Variants in NSD3 observed in about 807,000 individuals in gnomAD.
NSD3 encodes the protein nuclear receptor binding SET domain protein 3, also known as histone-lysine N-methyltransferase NSD3.
A neutral mutation model predicts 160.8 loss-of-function variants in NSD3; 24 were observed. The ratio of observed to expected loss-of-function variants is 0.15; its 90% CI spans 0.11 to 0.21. The LOEUF (loss-of-function observed/expected upper bound fraction) is 0.21, where lower values mean the gene tolerates loss of function less well. Among genes scored for constraint, NSD3 ranks in the 10% least tolerant of loss-of-function variants. NSD3 has a pLI of 1.00. For missense variants in NSD3, 1,157 were observed against 1,735.9 expected, an observed-to-expected ratio of 0.67 and a Z score of 5.93; for synonymous variants, 520 against 600.0, an observed-to-expected ratio of 0.87 and a Z score of 1.95.
intron 1 of NSD3, among the ~76,000 whole-genome samples, chr8:38,361,474 G>T (rs1810959988): frequency 1.3e-5 from 2 of 151,922 alleles, no homozygotes; most frequent in Admixed American, 6.5e-5. Context: ...GACAGAAAGG[G>T]GCCGGGCGCG....
intron 14 of NSD3, 131 bp downstream of exon 14, chr8:38,304,456 A>G: frequency 1.4e-6 from 1 of 707,094 alleles, no homozygotes. Context: ...GATATATTAC[A>G]GTGGAATTCT....
rs117216558 is a variant in NSD3 at position 38,270,295 on chromosome 8, T to C, written c.*5346A>G. 6.6e-6 allele frequency: 1 copy of C among 152,272 alleles called. No individual in the cohort carries two copies. The highest frequency in any genetic ancestry group is 1.5e-5 in the Non-Finnish European group (1 of 68,010). 9.4% of individuals were successfully genotyped at this position (152,272 alleles called of 1,614,324 possible). A position where few individuals can be genotyped will look rare whatever the true frequency, so the allele number is the denominator to read the frequency against. On this transcript the variant is annotated 3_prime_UTR_variant, in exon 24 of 24. Transcript: ENST00000317025. ...GTTTATTACAGATAAAGTACAGAAA[T>C]AACCAATCTACAAAGATCATTATCA...
At position 38,329,899 on chromosome 8, in the gene NSD3, A is replaced by AAAAAGAT. The variant is rs749057418; in HGVS notation, c.1066-13_1066-7dup. 1.3e-6 allele frequency: 2 copies of AAAAAGAT among 1,562,570 alleles called. No homozygotes were observed. Among genetic ancestry groups the AAAAAGAT allele is most frequent in the Admixed American group, 1.9e-5 (1 of 52,028 alleles). On this transcript the variant is annotated splice_region_variant and splice_polypyrimidine_tract_variant and intron_variant, in intron 5 of 23. Coordinates refer to ENST00000317025, the MANE Select transcript of NSD3 (RefSeq NM_023034.2). This position sits in a 1 kb window ranked among gnomAD's most constrained non-coding sequence, Gnocchi z 4.8. ...TGAGGTCGGGGTTTCCGAATCTTTA[A>AAAAAGAT]AAAAGATAGAGATTATCAGACATGC...
Position 38,275,750 on chromosome 8 carries a change from C to T in NSD3, c.4205G>A (p.Arg1402His), listed in dbSNP as rs770152981. ...GALVPSALEG[R>H]LCCSEHDPMA... ...GGGGTCATGTTCCGAGCAGCAGAGG[C>T]GGCCTTCCAGTGCAGAGGGAACCAG... The change falls in exon 24 of 24, where the codon CGC becomes CAC. Residue 1402 changes from arginine (R) to histidine (H), a missense_variant. Transcript: ENST00000317025. The T allele has an allele frequency of 7.4e-6, 12 of 1,614,068 alleles. No homozygotes were observed. The highest frequency in any genetic ancestry group is 2.2e-5 in the South Asian group (2 of 91,090).
In NSD3 at chr8:38,319,118, A is replaced by G; in HGVS notation, c.1810-178T>C. On this transcript the variant is annotated intron_variant, in intron 8 of 23. Coordinates refer to ENST00000317025, the MANE Select transcript of NSD3 (RefSeq NM_023034.2). The surrounding 1 kb of genome is among the most constrained non-coding windows in gnomAD (Gnocchi z 4.1). ...TGTCTCAAGATCAGGGAGGGTTTAA[A>G]TCCTAGCTGCCTGTGCTGAATATCA... 1 of 590,926 alleles carries G rather than the reference A, an allele frequency of 1.7e-6. No homozygotes were observed. The highest frequency in any genetic ancestry group is 3.1e-5 in the East Asian group (1 of 32,734). The allele number at this position is 590,926 out of a possible 1,614,324, so 36.6% of individuals were successfully genotyped here. A position where few individuals can be genotyped will look rare whatever the true frequency, so the allele number is the denominator to read the frequency against.
intron 1 of NSD3, among the ~76,000 whole-genome samples, chr8:38,376,538 C>T (rs186690547): frequency 2.0e-5 from 3 of 152,010 alleles, no homozygotes; most frequent in Non-Finnish European, 4.4e-5. Flanking sequence ...TGGGTTCAAG[C>T]GATTCTCCTG....
Position 38,279,567 on chromosome 8 carries a change from G to A in NSD3, c.3733C>T (p.Leu1245=). ...WTVNGDVRVG[L]FALCDIPAGM... ...GCAGGAATATCACAGAGAGCAAATA[G>A]TCCCACTCGAACATCTCCATTCACT... Residue 1245 remains leucine (L), a synonymous_variant, in exon 21 of 24, where the codon CTA becomes TTA. Coordinates refer to ENST00000317025, the MANE Select transcript of NSD3 (RefSeq NM_023034.2). 6.2e-7 allele frequency: 1 copy of A among 1,614,066 alleles called. No homozygotes were observed. Among genetic ancestry groups the A allele is most frequent in the South Asian group, 1.1e-5 (1 of 91,076 alleles).
At chr8:38,345,569 A>G (rs1412599209) in intron 2 of NSD3, among the ~76,000 whole-genome samples, 1 of 152,160 alleles carries the variant, frequency 6.6e-6, no homozygotes, top group African/African-American at 2.4e-5. Context: ...AATTTTGCTC[A>G]TCATGATTCA....
chr8:38,318,973 G>T lies in NSD3; in HGVS notation c.1810-33C>A, dbSNP rs1450889723. 1.9e-6 allele frequency: 3 copies of T among 1,580,936 alleles called. No homozygotes were observed. Among genetic ancestry groups the T allele is most frequent in the Non-Finnish European group, 2.6e-6 (3 of 1,165,080 alleles). ...GACAGAAAAATACAGCATTAACAAAGAATTTTTTTCCCTTTTAATTATTAA... is the reference window on the plus strand; with the variant it reads ...GACAGAAAAATACAGCATTAACAAATAATTTTTTTCCCTTTTAATTATTAA... On this transcript the variant is annotated intron_variant, in intron 8 of 23. Transcript: ENST00000317025. The surrounding 1 kb of genome is among the most constrained non-coding windows in gnomAD (Gnocchi z 5.3).
Position 38,271,108 on chromosome 8 carries a change from G to T in NSD3, c.*4533C>A, listed in dbSNP as rs1373168300. 2 of 152,060 alleles carry T rather than the reference G, an allele frequency of 1.3e-5. No individual in the cohort carries two copies. Among genetic ancestry groups the T allele is most frequent in the African/African-American group, 2.4e-5 (1 of 41,404 alleles). 9.4% of individuals were successfully genotyped at this position (152,060 alleles called of 1,614,324 possible). A position where few individuals can be genotyped will look rare whatever the true frequency, so the allele number is the denominator to read the frequency against. On this transcript the variant is annotated 3_prime_UTR_variant, in exon 24 of 24. Transcript: ENST00000317025. Reference sequence around the variant, plus strand: ...CATAAAAAGTATTTGTAAAAATGCTGGTATCTCATGCAGGAGTCTCTTCCT... The same window carrying T: ...CATAAAAAGTATTTGTAAAAATGCTTGTATCTCATGCAGGAGTCTCTTCCT...
intron 16 of NSD3, among the ~76,000 whole-genome samples, chr8:38,291,017 C>T (rs1808988113): frequency 6.6e-6 from 1 of 152,066 alleles, no homozygotes; most frequent in Non-Finnish European, 1.5e-5. Context: ...TGTTTCCCCC[C>T]AAACTTAATA....
At chr8:38,304,454 A>G in intron 14 of NSD3, 133 bp downstream of exon 14, 1 of 727,588 alleles carries the variant, frequency 1.4e-6, no homozygotes, top group Non-Finnish European at 2.1e-6. Flanking sequence ...GGGATATATT[A>G]CAGTGGAATT....
chr8:38,289,197 T>C (rs1481433335), intron 18 of NSD3, among the ~76,000 whole-genome samples, 196 bp downstream of exon 18: 1 of 152,260 alleles, frequency 6.6e-6, no homozygotes, highest in African/African-American at 2.4e-5. Flanking sequence ...TGGCTCCCAT[T>C]TGATGCTTCC....
intron 1 of NSD3, among the ~76,000 whole-genome samples, chr8:38,351,576 T>C (rs556125321): frequency 2.0e-5 from 3 of 151,684 alleles, no homozygotes; most frequent in African/African-American, 7.2e-5. Flanking sequence ...GGCAGGAGAA[T>C]TGTTTGAACC....
chr8:38,352,167 T>C (rs1031346008), intron 1 of NSD3, among the ~76,000 whole-genome samples: 8 of 151,968 alleles, frequency 5.3e-5, no homozygotes, highest in African/African-American at 1.7e-4. Context: ...GCTGTAATAA[T>C]AAAACAAATA....
chr8:38,322,746 T>C (rs1809820051), intron 7 of NSD3, among the ~76,000 whole-genome samples: 1 of 152,216 alleles, frequency 6.6e-6, no homozygotes, highest in South Asian at 2.1e-4. Flanking sequence ...AAATCTAGTG[T>C]GAATACAAGT....
rs541411955 is a variant in NSD3 at position 38,376,025 on chromosome 8, C to T, written c.-45+5774G>A. Reference sequence around the variant, plus strand: ...AAATTAAATAAAGTAAGCAACAGTCCATGCTAAGATTTTTAACTTGTTTTC... The same window carrying T: ...AAATTAAATAAAGTAAGCAACAGTCTATGCTAAGATTTTTAACTTGTTTTC... On this transcript the variant is annotated intron_variant, in intron 1 of 23. Transcript: ENST00000317025. 2.2e-4 allele frequency among the ~76,000 whole-genome samples: 34 copies of T among 152,072 alleles called. No homozygotes were observed. The South Asian group carries it at 3.3e-3, about 15-fold the overall frequency.
At chr8:38,304,473 G>C (rs1287965678) in intron 14 of NSD3, 114 bp downstream of exon 14, 4 of 1,014,400 alleles carry the variant, frequency 3.9e-6, no homozygotes, top group Non-Finnish European at 5.8e-6. Flanking sequence ...TTCTGCACTG[G>C]GTAGGAGATT....
chr8:38,330,464 T>C (rs1014092966), intron 5 of NSD3, among the ~76,000 whole-genome samples: 1 of 152,190 alleles, frequency 6.6e-6, no homozygotes, highest in South Asian at 2.1e-4. Context: ...ACCTGAATTA[T>C]AGTTTCCATA....
Sources: gnomAD v4.1 joint callset for allele counts (sites outside exome capture counted in the v4.1 genomes callset) on GRCh38, gnomAD v4.1.1 for gene constraint, Gnocchi (gnomAD v3.1) non-coding constraint, MANE v1.5 for transcripts, NCBI Gene and HGNC (gene_info 2026-07-23, HGNC 2026-07-21) for gene names.